The following PTPN2 variants were observed in gnomAD, a reference collection of about 807,000 sequenced individuals.
PTPN2 encodes the protein protein tyrosine phosphatase non-receptor type 2.
In PTPN2, 19 loss-of-function variants were observed where a neutral mutation model predicts 57.3. The observed-to-expected ratio is 0.33, with a 90% CI of 0.23 to 0.49. The LOEUF is 0.49. Ranked by LOEUF, PTPN2 falls within the 20% of genes least tolerant of loss-of-function variation. The pLI is 0.99. For missense variants in PTPN2, 358 were observed against 501.1 expected, an observed-to-expected ratio of 0.71 and a Z score of 2.73; for synonymous variants, 153 against 164.9, an observed-to-expected ratio of 0.93 and a Z score of 0.55.
chr18:12,861,909 T>C (rs1215873247), intron 1 of PTPN2, among the ~76,000 whole-genome samples: 1 of 152,234 alleles, frequency 6.6e-6, no homozygotes, highest in African/African-American at 2.4e-5. Flanking sequence ...CCCAGTATAG[T>C]AGTAGGGAGA....
intron 6 of PTPN2, 49 bp downstream of exon 6, chr18:12,817,107 T>TAA: frequency 4.3e-5 from 56 of 1,292,328 alleles, no homozygotes; most frequent in South Asian, 5.7e-5. Flanking sequence ...GGAAGCAATT[T>TAA]AAAAAAAAAA....
chr18:12,870,374 CATATATATACGTATAT>C (rs2044182380), intron 1 of PTPN2, among the ~76,000 whole-genome samples: 1 of 39,514 alleles, frequency 2.5e-5, no homozygotes, highest in African/African-American at 2.6e-4. Context: ...TGTATATATA[CATATATATACGTATAT>C]ATGTATATAT....
intron 5 of PTPN2, among the ~76,000 whole-genome samples, chr18:12,820,433 T>G (rs561189763): frequency 6.6e-6 from 1 of 152,290 alleles, no homozygotes; most frequent in African/African-American, 2.4e-5. Flanking sequence ...AACATTCATA[T>G]GCATGACTGG....
chr18:12,878,691 C>G (rs1190146093), intron 1 of PTPN2, among the ~76,000 whole-genome samples: 1 of 151,988 alleles, frequency 6.6e-6, no homozygotes, highest in East Asian at 1.9e-4. Context: ...AAAATGAAGT[C>G]AGTCAGGAGT....
chr18:12,812,789 G>C (rs1372509049), intron 7 of PTPN2, among the ~76,000 whole-genome samples: 1 of 152,080 alleles, frequency 6.6e-6, no homozygotes, highest in Non-Finnish European at 1.5e-5. Flanking sequence ...GTACCTGAAG[G>C]ATAAAGATGT....
chr18:12,814,481 C>A lies in PTPN2; in HGVS notation c.706-126G>T, dbSNP rs115788206. 1,654 of 775,226 alleles carry A rather than the reference C, an allele frequency of 2.1e-3. 13 individuals carry two copies. The African/African-American group carries it at 0.026, about 12-fold the overall frequency. The allele number at this position is 775,226 out of a possible 1,614,324, so 48.0% of individuals were successfully genotyped here. A position where few individuals can be genotyped will look rare whatever the true frequency, so the allele number is the denominator to read the frequency against. ...TCTGAAAGAACAACGATAATTTAACCCTCCAGCTATAACTGTTATGTACAC... is the reference window on the plus strand; with the variant it reads ...TCTGAAAGAACAACGATAATTTAACACTCCAGCTATAACTGTTATGTACAC... On this transcript the variant is annotated intron_variant, in intron 6 of 8. Transcript: ENST00000309660.
chr18:12,878,918 C>T (rs1479310238), intron 1 of PTPN2, among the ~76,000 whole-genome samples: 1 of 152,096 alleles, frequency 6.6e-6, no homozygotes, highest in Non-Finnish European at 1.5e-5. Flanking sequence ...TAGAAACAAC[C>T]CATAACATAG....
At chr18:12,821,708 G>C (rs1212833370) in intron 5 of PTPN2, among the ~76,000 whole-genome samples, 1 of 152,084 alleles carries the variant, frequency 6.6e-6, no homozygotes, top group Non-Finnish European at 1.5e-5. Context: ...TATTAGAGAA[G>C]TCTGTCTGTT....
intron 1 of PTPN2, among the ~76,000 whole-genome samples, chr18:12,867,747 A>G (rs984815557): frequency 6.6e-6 from 1 of 152,164 alleles, no homozygotes; most frequent in Non-Finnish European, 1.5e-5. Context: ...TTCTCAAGCC[A>G]CCTCAGTGTT....
chr18:12,852,719 G>A (rs1256724733), intron 2 of PTPN2, among the ~76,000 whole-genome samples: 1 of 152,116 alleles, frequency 6.6e-6, no homozygotes, highest in African/African-American at 2.4e-5. Flanking sequence ...TTTCCTTTAT[G>A]TTTCTCGTAT....
chr18:12,801,117 T>C (rs2145246043), intron 8 of PTPN2, among the ~76,000 whole-genome samples: 1 of 152,374 alleles, frequency 6.6e-6, no homozygotes, highest in East Asian at 1.9e-4. Context: ...CAATCATTAT[T>C]GTTTTAAAGG....
At chr18:12,848,132 T>A (rs1255424799) in intron 2 of PTPN2, among the ~76,000 whole-genome samples, 1 of 152,202 alleles carries the variant, frequency 6.6e-6, no homozygotes, top group Non-Finnish European at 1.5e-5. Flanking sequence ...CTTATTCGGA[T>A]TATTATTATA....
intron 1 of PTPN2, chr18:12,883,604 C>T (rs1035251062): frequency 6.6e-6 from 1 of 152,632 alleles, no homozygotes; most frequent in African/African-American, 2.4e-5. Flanking sequence ...CTCCCGGGGA[C>T]GCCAGCTGCC....
At chr18:12,860,385 T>C (rs1438532620) in intron 1 of PTPN2, among the ~76,000 whole-genome samples, 1 of 151,202 alleles carries the variant, frequency 6.6e-6, no homozygotes, top group African/African-American at 2.4e-5. Context: ...GATCACGAGG[T>C]CAGGAGTTCA....
In PTPN2 at chr18:12,823,534, G is replaced by A. The variant is rs577164752; in HGVS notation, c.495+2276C>T. Among the ~76,000 whole-genome samples, 8 of 152,162 alleles carry A rather than the reference G, an allele frequency of 5.3e-5. No homozygotes were observed. The South Asian group carries it at 1.7e-3, about 32-fold the overall frequency. ...ACTAAAAATACAAAAAATTAGCCAG[G>A]CGTGGTGGTGCACACCTGTATTCCC... On this transcript the variant is annotated intron_variant, in intron 5 of 8. Transcript: ENST00000309660.
chr18:12,822,825 C>T, intron 5 of PTPN2, among the ~76,000 whole-genome samples: 1 of 150,128 alleles, frequency 6.7e-6, no homozygotes, highest in African/African-American at 2.5e-5. Context: ...CAATTCATTA[C>T]TGTTACAAAA....
At chr18:12,798,561 A>T (rs1266957078) in intron 8 of PTPN2, among the ~76,000 whole-genome samples, 1 of 152,126 alleles carries the variant, frequency 6.6e-6, no homozygotes, top group Non-Finnish European at 1.5e-5. Flanking sequence ...CTCCAGCTCC[A>T]TCCAAGCCCC....
At chr18:12,876,524 G>A (rs1347206470) in intron 1 of PTPN2, among the ~76,000 whole-genome samples, 2 of 152,146 alleles carry the variant, frequency 1.3e-5, no homozygotes, top group African/African-American at 4.8e-5. Context: ...AACTAGAAAA[G>A]CTAGGAGACA....
In PTPN2 at chr18:12,845,982, CT is replaced by C. The variant is rs370998311; in HGVS notation, c.161-9092del. Among the ~76,000 whole-genome samples, 37 of 152,322 alleles carry C rather than the reference CT, an allele frequency of 2.4e-4. No homozygotes were observed. In the East Asian group the frequency reaches 5.0e-3, roughly 21 times the overall value. The stretch of plus-strand genomic sequence containing the variant: ...TGTCCTTTAAACAAAAGGATACAAT[CT>C]GTTCTTTCACGGTATTTTTTAACCT... On this transcript the variant is annotated intron_variant, in intron 2 of 8. Transcript: ENST00000309660.
Sources: allele counts gnomAD v4.1 joint callset (sites outside exome capture counted in the v4.1 genomes callset), GRCh38; gene constraint gnomAD v4.1.1; transcripts MANE v1.5; gene names NCBI Gene and HGNC (gene_info 2026-07-23, HGNC 2026-07-21).